JAKMIP2: variants seen among roughly 807,000 people sequenced by gnomAD.
JAKMIP2 encodes the protein janus kinase and microtubule-interacting protein 2.
In JAKMIP2, 25 loss-of-function variants were observed where a neutral mutation model predicts 115.0. That is an observed-to-expected ratio of 0.22 (90% CI 0.16 to 0.30). The LOEUF (loss-of-function observed/expected upper bound fraction) is 0.30, where lower values mean the gene tolerates loss of function less well. Among genes scored for constraint, JAKMIP2 ranks in the 10% least tolerant of loss-of-function variants. The pLI, the probability that JAKMIP2 is intolerant of heterozygous loss-of-function variation, is 1.00. For missense variants in JAKMIP2, 642 were observed against 957.6 expected (o/e 0.67, Z 4.35); for synonymous variants, 334 against 343.6 (o/e 0.97, Z 0.31).
At chr5:147,690,585 G>GCACA (rs1751796846) in intron 1 of JAKMIP2, among the ~76,000 whole-genome samples, 8 of 68,116 alleles carry the variant, frequency 1.2e-4, no homozygotes, top group African/African-American at 3.7e-4. Flanking sequence ...ATATATATAT[G>GCACA]CACATATGCA....
intron 1 of JAKMIP2, among the ~76,000 whole-genome samples, chr5:147,692,572 T>C (rs1052481588): frequency 6.6e-6 from 1 of 152,208 alleles, no homozygotes; most frequent in Non-Finnish European, 1.5e-5. Context: ...TCAATATTTA[T>C]CTCTCCCACT....
At chr5:147,629,591 T>C (rs1055559712) in intron 15 of JAKMIP2, 102 bp downstream of exon 15, 1 of 756,984 alleles carries the variant, frequency 1.3e-6, no homozygotes, top group Non-Finnish European at 2.2e-6. Context: ...TTAAGTGAAA[T>C]GGCATCTCAC....
intron 1 of JAKMIP2, among the ~76,000 whole-genome samples, chr5:147,726,543 A>G (rs1753525145): frequency 6.6e-6 from 1 of 152,216 alleles, no homozygotes; most frequent in Non-Finnish European, 1.5e-5. Flanking sequence ...TGGGAAAAGA[A>G]TTTGTGAGGT....
At chr5:147,633,969 C>T (rs573182532) in intron 12 of JAKMIP2, among the ~76,000 whole-genome samples, 4 of 152,230 alleles carry the variant, frequency 2.6e-5, no homozygotes, top group East Asian at 1.9e-4. Context: ...GGATTACAGG[C>T]GTGAGCCATT....
At chr5:147,708,883 G>A (rs988172420) in intron 1 of JAKMIP2, among the ~76,000 whole-genome samples, 19 of 152,116 alleles carry the variant, frequency 1.2e-4, no homozygotes, top group African/African-American at 3.4e-4. Flanking sequence ...GGGTGTGAAC[G>A]CAGGCCATTA....
intron 1 of JAKMIP2, among the ~76,000 whole-genome samples, chr5:147,712,954 G>A (rs1473878358): frequency 6.6e-6 from 1 of 152,122 alleles, no homozygotes; most frequent in African/African-American, 2.4e-5. Flanking sequence ...GTAAGTCAGG[G>A]TTCCTTTAAG....
At chr5:147,766,476 T>C (rs1324326302) in intron 1 of JAKMIP2, among the ~76,000 whole-genome samples, 5 of 152,118 alleles carry the variant, frequency 3.3e-5, no homozygotes. Flanking sequence ...TGAACAAATA[T>C]TAAACTCTGA....
intron 1 of JAKMIP2, among the ~76,000 whole-genome samples, chr5:147,742,396 G>A (rs1754183434): frequency 6.6e-6 from 1 of 151,958 alleles, no homozygotes; most frequent in Non-Finnish European, 1.5e-5. Flanking sequence ...CAAGGAGCAA[G>A]TTGTTCTCAT....
intron 1 of JAKMIP2, among the ~76,000 whole-genome samples, chr5:147,688,014 T>C (rs541332890): frequency 6.6e-6 from 1 of 152,348 alleles, no homozygotes; most frequent in Non-Finnish European, 1.5e-5. Context: ...TTCAGCCTGA[T>C]TCCAAAACAT....
rs1304640343 is a variant in JAKMIP2 at position 147,586,011 on chromosome 5, C to A, written c.*5696G>T. ...CAACCAACCAAACAAATAAAAAAAACCTATTTGCTGGTTTATGGGCCTGGA... is the reference window on the plus strand; with the variant it reads ...CAACCAACCAAACAAATAAAAAAAAACTATTTGCTGGTTTATGGGCCTGGA... On this transcript the variant is annotated 3_prime_UTR_variant, in exon 22 of 22. Coordinates refer to ENST00000616793, the MANE Select transcript of JAKMIP2 (RefSeq NM_001270941.2). The A allele has an allele frequency of 6.6e-6, 1 of 150,836 alleles. No homozygotes were observed. The highest frequency in any genetic ancestry group is 1.5e-5 in the Non-Finnish European group (1 of 67,772). The allele number at this position is 150,836 out of a possible 1,614,324, so 9.3% of individuals were successfully genotyped here. A position where few individuals can be genotyped will look rare whatever the true frequency, so the allele number is the denominator to read the frequency against.
intron 1 of JAKMIP2, among the ~76,000 whole-genome samples, chr5:147,774,687 G>C (rs1157747097): frequency 6.6e-6 from 1 of 152,132 alleles, no homozygotes; most frequent in African/African-American, 2.4e-5. Context: ...TGACTACGGA[G>C]TAAGAGCTCA....
intron 1 of JAKMIP2, among the ~76,000 whole-genome samples, chr5:147,732,704 G>C (rs1434536591): frequency 6.6e-6 from 1 of 152,124 alleles, no homozygotes; most frequent in East Asian, 1.9e-4. Context: ...ACCCCACAAT[G>C]TAAGTGCTTT....
At chr5:147,629,972 A>T (rs116579300) in intron 14 of JAKMIP2, among the ~76,000 whole-genome samples, 1 of 152,180 alleles carries the variant, frequency 6.6e-6, no homozygotes, top group African/African-American at 2.4e-5. Flanking sequence ...CAAAATGGAG[A>T]TAATAAATTC....
At chr5:147,676,337 AAAAAT>A (rs981572652) in intron 1 of JAKMIP2, among the ~76,000 whole-genome samples, 3 of 152,210 alleles carry the variant, frequency 2.0e-5, no homozygotes, top group African/African-American at 7.2e-5. Flanking sequence ...CTCCGTCTCA[AAAAAT>A]AAAATAAAAT....
intron 8 of JAKMIP2, among the ~76,000 whole-genome samples, 166 bp from the exon 9 acceptor site, chr5:147,640,989 T>G (rs893923815): frequency 6.6e-6 from 1 of 152,148 alleles, no homozygotes; most frequent in Non-Finnish European, 1.5e-5. Context: ...TTCCAATAAG[T>G]GTTTCTCTCA....
At chr5:147,653,032 T>G (rs1180100507) in intron 3 of JAKMIP2, among the ~76,000 whole-genome samples, 1 of 152,188 alleles carries the variant, frequency 6.6e-6, no homozygotes, top group African/African-American at 2.4e-5. Flanking sequence ...ACAAAGGACA[T>G]GAACTCATTC....
chr5:147,624,918 T>C (rs1757024974), intron 16 of JAKMIP2, among the ~76,000 whole-genome samples: 1 of 152,174 alleles, frequency 6.6e-6, no homozygotes, highest in African/African-American at 2.4e-5. Flanking sequence ...CATGAGGCAG[T>C]ATCCATTGTG....
At chr5:147,630,822 G>A (rs895317214) in intron 14 of JAKMIP2, among the ~76,000 whole-genome samples, 3 of 152,120 alleles carry the variant, frequency 2.0e-5, no homozygotes, top group East Asian at 1.9e-4. Flanking sequence ...TTCCCCGGGG[G>A]AAGAGCTACC....
intron 21 of JAKMIP2, chr5:147,595,376 A>G: frequency 2.2e-6 from 1 of 452,882 alleles, no homozygotes; most frequent in Non-Finnish European, 4.4e-6. Flanking sequence ...GCTGGAGAGA[A>G]CTAACTTAGG....
Sources: allele counts gnomAD v4.1 joint callset (sites outside exome capture counted in the v4.1 genomes callset), GRCh38; gene constraint gnomAD v4.1.1; transcripts MANE v1.5; gene names NCBI Gene and HGNC (gene_info 2026-07-23, HGNC 2026-07-21).